The following COL25A1 variants were observed in gnomAD, a reference collection of about 807,000 sequenced individuals.
COL25A1 encodes the protein collagen type XXV alpha 1 chain.
COL25A1 carries 103 observed loss-of-function variants against 128.4 expected under a neutral mutation model. The ratio of observed to expected loss-of-function variants is 0.80; its 90% CI spans 0.68 to 0.94. The LOEUF (loss-of-function observed/expected upper bound fraction) is 0.94. COL25A1 is among the 40% of genes least tolerant of loss of function. The probability of loss-of-function intolerance (pLI) is 0.00; values close to 1 mark genes in which losing one functional copy is unlikely to be tolerated. For synonymous variants in COL25A1, 279 were observed against 277.2 expected, an observed-to-expected ratio of 1.01 and a Z score of -0.06; for missense variants, 745 against 840.0, an observed-to-expected ratio of 0.89 and a Z score of 1.40.
intron 4 of COL25A1, 32 bp from the exon 5 acceptor site, chr4:109,048,207 G>C (rs184715539): frequency 1.2e-6 from 2 of 1,602,760 alleles, no homozygotes; most frequent in African/African-American, 2.7e-5. Flanking sequence ...AGAGAAGAGA[G>C]AGAGAGGAGT....
intron 26 of COL25A1, among the ~76,000 whole-genome samples, chr4:108,851,637 T>A (rs1478351294): frequency 6.6e-6 from 1 of 152,188 alleles, no homozygotes; most frequent in Non-Finnish European, 1.5e-5. Flanking sequence ...AAGCTTCAGT[T>A]TGGAGGGATA....
At chr4:109,186,741 G>A (rs1374690428) in intron 3 of COL25A1, among the ~76,000 whole-genome samples, 1 of 152,166 alleles carries the variant, frequency 6.6e-6, no homozygotes, top group Non-Finnish European at 1.5e-5. Flanking sequence ...CTAAACAAAT[G>A]TGAGAAGAAT....
At chr4:109,182,042 A>G (rs1019622043) in intron 3 of COL25A1, among the ~76,000 whole-genome samples, 2 of 152,090 alleles carry the variant, frequency 1.3e-5, no homozygotes, top group African/African-American at 4.8e-5. Flanking sequence ...TCCTTTTTAT[A>G]GGCTGAATAG....
intron 3 of COL25A1, among the ~76,000 whole-genome samples, chr4:109,260,177 A>C (rs1781345232): frequency 6.6e-6 from 1 of 152,204 alleles, no homozygotes; most frequent in Non-Finnish European, 1.5e-5. Flanking sequence ...GCCAGATATC[A>C]TATTGTAAGT....
At chr4:108,884,966 T>C (rs77237388) in intron 18 of COL25A1, among the ~76,000 whole-genome samples, 2,515 of 152,286 alleles carry the variant, frequency 0.017, 21 homozygotes, top group Admixed American at 0.024. Flanking sequence ...AGAATGATAA[T>C]AAGAGGTTCC....
chr4:108,942,183 T>C (rs777227177), intron 8 of COL25A1: 2 of 1,548,414 alleles, frequency 1.3e-6, no homozygotes, highest in Non-Finnish European at 1.7e-6. Context: ...TTTCTGACTG[T>C]GCAGGCATGA....
At chr4:109,212,787 G>C (rs889547759) in intron 3 of COL25A1, among the ~76,000 whole-genome samples, 1 of 152,100 alleles carries the variant, frequency 6.6e-6, no homozygotes, top group Non-Finnish European at 1.5e-5. Context: ...TTGTTGTACA[G>C]AGTAAATACA....
intron 3 of COL25A1, among the ~76,000 whole-genome samples, chr4:109,261,542 G>T (rs1176933440): frequency 6.6e-6 from 1 of 151,940 alleles, no homozygotes; most frequent in African/African-American, 2.4e-5. Flanking sequence ...ATAAATAAAT[G>T]CAAAGAAATT....
chr4:109,022,680 C>CT (rs1010337535), intron 5 of COL25A1, among the ~76,000 whole-genome samples: 3 of 152,094 alleles, frequency 2.0e-5, no homozygotes, highest in Non-Finnish European at 2.9e-5. Flanking sequence ...GGTAACAAAG[C>CT]TTTTGGGAAG....
At chr4:108,819,898 CCT>C in intron 35 of COL25A1, 1 of 1,213,770 alleles carries the variant, frequency 8.2e-7, no homozygotes, top group Non-Finnish European at 1.0e-6. Context: ...CCCTTTTCCC[CCT>C]GTGGATACAA....
chr4:109,144,162 G>T (rs1434852117), intron 3 of COL25A1, among the ~76,000 whole-genome samples: 1 of 152,170 alleles, frequency 6.6e-6, no homozygotes, highest in Non-Finnish European at 1.5e-5. Flanking sequence ...CTCTGCTGCA[G>T]GTCTGCTGGA....
At chr4:109,299,457 GAATATA>G (rs1171521846) in intron 3 of COL25A1, among the ~76,000 whole-genome samples, 2 of 152,094 alleles carry the variant, frequency 1.3e-5, no homozygotes, top group Admixed American at 1.3e-4. Flanking sequence ...AAATTTAACA[GAATATA>G]AATAGTAAAA....
At chr4:109,093,457 GA>G (rs564834752) in intron 3 of COL25A1, among the ~76,000 whole-genome samples, 5,771 of 69,442 alleles carry the variant, frequency 0.083, 162 homozygotes, top group Non-Finnish European at 0.11. Context: ...CCATCTCTAT[GA>G]AAAAAAAAAA....
chr4:109,193,178 G>T (rs1692563922), intron 3 of COL25A1, among the ~76,000 whole-genome samples: 1 of 151,534 alleles, frequency 6.6e-6, no homozygotes, highest in Non-Finnish European at 1.5e-5. Context: ...ACCAGAGAAA[G>T]AAAAATTAGA....
chr4:108,933,963 A>T (rs1578810787), intron 11 of COL25A1, among the ~76,000 whole-genome samples: 1 of 152,134 alleles, frequency 6.6e-6, no homozygotes, highest in African/African-American at 2.4e-5. Context: ...TTACCATTTG[A>T]CCCAGTAATC....
intron 6 of COL25A1, among the ~76,000 whole-genome samples, chr4:108,975,371 G>A (rs1254355268): frequency 8.5e-5 from 13 of 152,194 alleles, no homozygotes; most frequent in South Asian, 4.1e-4. Flanking sequence ...CAGGAGAATC[G>A]CTTGAACCTG....
At chr4:109,220,958 C>T (rs17040084) in intron 3 of COL25A1, among the ~76,000 whole-genome samples, 13,169 of 151,790 alleles carry the variant, frequency 0.087, 1,189 homozygotes, top group African/African-American at 0.23. Flanking sequence ...AATGTAGAAC[C>T]GAGACTGAAT....
chr4:108,818,703 T>C (rs1242661104), intron 36 of COL25A1, among the ~76,000 whole-genome samples: 1 of 152,186 alleles, frequency 6.6e-6, no homozygotes, highest in African/African-American at 2.4e-5. Context: ...TGCAGACTTT[T>C]ATCATCTTTA....
At chr4:108,845,916 GA>G (rs1290864049) in intron 28 of COL25A1, among the ~76,000 whole-genome samples, 2 of 151,922 alleles carry the variant, frequency 1.3e-5, no homozygotes, top group Non-Finnish European at 2.9e-5. Context: ...AACAATTCAG[GA>G]AAACATGAAG....
Sources: allele counts gnomAD v4.1 joint callset (sites outside exome capture counted in the v4.1 genomes callset), GRCh38; gene constraint gnomAD v4.1.1; transcripts MANE v1.5; gene names NCBI Gene and HGNC (gene_info 2026-07-23, HGNC 2026-07-21).